The following PDE4D variants were observed in gnomAD, a reference collection of about 807,000 sequenced individuals.
PDE4D encodes 3',5'-cyclic-AMP phosphodiesterase 4D.
In PDE4D, 24 loss-of-function variants were observed where a neutral mutation model predicts 87.4. That is an observed-to-expected ratio of 0.27 (90% CI 0.20 to 0.39). PDE4D has a LOEUF of 0.39. Ranked by LOEUF, PDE4D falls within the 10% of genes least tolerant of loss-of-function variation. The pLI, the probability that PDE4D is intolerant of heterozygous loss-of-function variation, is 1.00. For missense variants in PDE4D, 714 were observed against 1,041.0 expected (o/e 0.69, Z 4.32); for synonymous variants, 384 against 383.2 (o/e 1.00, Z -0.02).
chr5:60,103,744 C>G (rs566341003), intron 2 of PDE4D, among the ~76,000 whole-genome samples: 1 of 152,052 alleles, frequency 6.6e-6, no homozygotes. Flanking sequence ...ATCTGTCACT[C>G]TCACTAAATT....
intron 1 of PDE4D, among the ~76,000 whole-genome samples, chr5:59,836,651 T>TATC (rs1160444857): frequency 6.6e-6 from 1 of 151,206 alleles, no homozygotes; most frequent in East Asian, 1.9e-4. Context: ...TCTATCTATC[T>TATC]ATCTATCATC....
chr5:59,290,612 C>T (rs1231612058), intron 1 of PDE4D, among the ~76,000 whole-genome samples: 1 of 151,938 alleles, frequency 6.6e-6, no homozygotes, highest in Non-Finnish European at 1.5e-5. Context: ...AAAGCTTCTG[C>T]ACAGCAAAGG....
intron 5 of PDE4D, chr5:59,180,256 T>C: frequency 2.3e-6 from 1 of 432,614 alleles, no homozygotes; most frequent in South Asian, 1.9e-5. Flanking sequence ...TATTATATCA[T>C]GCTAATAACA....
intron 6 of PDE4D, among the ~76,000 whole-genome samples, chr5:58,998,384 C>T (rs564161059): frequency 4.6e-5 from 7 of 152,080 alleles, no homozygotes; most frequent in East Asian, 3.9e-4. Context: ...TGAATTCTGG[C>T]GGATAATGAG....
At chr5:60,002,994 A>T (rs551744293) in intron 2 of PDE4D, among the ~76,000 whole-genome samples, 10 of 151,770 alleles carry the variant, frequency 6.6e-5, no homozygotes, top group Admixed American at 5.9e-4. Flanking sequence ...TTCTATATTT[A>T]AAAAAAAACT....
chr5:59,367,721 T>A (rs1783295177), intron 1 of PDE4D, among the ~76,000 whole-genome samples: 1 of 152,224 alleles, frequency 6.6e-6, no homozygotes. Flanking sequence ...ATCAGCATGA[T>A]GCAGTTTGCA....
intron 1 of PDE4D, among the ~76,000 whole-genome samples, chr5:59,629,080 A>G (rs918260189): frequency 1.3e-5 from 2 of 152,174 alleles, no homozygotes; most frequent in Non-Finnish European, 2.9e-5. Context: ...CCATGATTCA[A>G]TTACCTCCCA....
intron 1 of PDE4D, among the ~76,000 whole-genome samples, chr5:60,237,867 A>C (rs1746604197): frequency 6.6e-6 from 1 of 151,994 alleles, no homozygotes; most frequent in Non-Finnish European, 1.5e-5. Flanking sequence ...CAATTTTTGC[A>C]ACTTCCTATG....
chr5:59,350,202 C>T (rs1780291358), intron 1 of PDE4D, among the ~76,000 whole-genome samples: 1 of 152,100 alleles, frequency 6.6e-6, no homozygotes, highest in African/African-American at 2.4e-5. Flanking sequence ...ATGGTCATTG[C>T]CCAATTATGG....
upstream of PDE4D, among the ~76,000 whole-genome samples, chr5:60,492,871 C>A (rs537387904): frequency 1.3e-5 from 2 of 149,588 alleles, no homozygotes; most frequent in East Asian, 3.9e-4. Context: ...TGCACATGTA[C>A]CCTAGTACTT....
chr5:60,021,476 A>G (rs1430742599), intron 2 of PDE4D: 1 of 152,254 alleles, frequency 6.6e-6, no homozygotes, highest in Non-Finnish European at 1.5e-5. Context: ...AACGTGGCAA[A>G]CAACAAAAGT....
At chr5:60,324,732 A>T (rs73106748) in intron 1 of PDE4D, among the ~76,000 whole-genome samples, 13,432 of 152,292 alleles carry the variant, frequency 0.088, 1,954 homozygotes, top group African/African-American at 0.31. Context: ...CACATACATG[A>T]CCAGGGACAA....
intron 2 of PDE4D, among the ~76,000 whole-genome samples, chr5:60,066,627 T>TCATCAG (rs1772130853): frequency 6.8e-6 from 1 of 147,504 alleles, no homozygotes; most frequent in Non-Finnish European, 1.5e-5. Flanking sequence ...ATCATCATCA[T>TCATCAG]CTCAGGAAAA....
At chr5:59,747,423 T>G (rs1000516219) in intron 1 of PDE4D, among the ~76,000 whole-genome samples, 4 of 152,170 alleles carry the variant, frequency 2.6e-5, no homozygotes, top group Non-Finnish European at 5.9e-5. Flanking sequence ...ACCGTGCTTG[T>G]TGTGGCCTAA....
intron 1 of PDE4D, among the ~76,000 whole-genome samples, chr5:59,350,021 GAAAAAAATGCATAT>G (rs889692770): frequency 6.6e-6 from 1 of 151,764 alleles, no homozygotes; most frequent in African/African-American, 2.4e-5. Flanking sequence ...CTTCAATTTT[GAAAAAAATGCATAT>G]AATGCATTCT....
rs80013630 is a variant in PDE4D at position 59,584,390 on chromosome 5, A to G, written c.455+308778T>C. ...AGAGTAGGAGTTATACAGAGCATTA[A>G]CATTCTACATTGGCTTAGTTTGGCC... On this transcript the variant is annotated intron_variant, in intron 1 of 14. Transcript: ENST00000340635. 2.0e-3 allele frequency among the ~76,000 whole-genome samples: 304 copies of G among 152,316 alleles called. 4 individuals are homozygous for G. In the East Asian group the frequency reaches 0.055, roughly 28 times the overall value.
chr5:59,189,248 T>TTTTG (rs1561663476), intron 3 of PDE4D, among the ~76,000 whole-genome samples: 14 of 103,638 alleles, frequency 1.4e-4, no homozygotes, highest in African/African-American at 4.6e-4. Flanking sequence ...TTTTTTGTTT[T>TTTTG]TTTTGTTTTT....
At chr5:59,031,887 G>A (rs1757606298) in intron 6 of PDE4D, among the ~76,000 whole-genome samples, 1 of 151,936 alleles carries the variant, frequency 6.6e-6, no homozygotes, top group Admixed American at 6.6e-5. Flanking sequence ...ATCTAGAAAA[G>A]TCGATCTCAG....
intron 5 of PDE4D, among the ~76,000 whole-genome samples, chr5:59,153,458 C>A (rs1468273790): frequency 6.6e-6 from 1 of 152,172 alleles, no homozygotes; most frequent in Non-Finnish European, 1.5e-5. Context: ...CATCCATCAT[C>A]CACTTCTTTC....
Sources: gnomAD v4.1 joint callset for allele counts (sites outside exome capture counted in the v4.1 genomes callset) on GRCh38, gnomAD v4.1.1 for gene constraint, MANE v1.5 for transcripts, NCBI Gene and HGNC (gene_info 2026-07-23, HGNC 2026-07-21) for gene names.